FLVCR1: variants seen among roughly 807,000 people sequenced by gnomAD.
FLVCR1 encodes choline/ethanolamine transporter FLVCR1.
In FLVCR1, 34 loss-of-function variants were observed where a neutral mutation model predicts 53.6. The ratio of observed to expected loss-of-function variants is 0.63; its 90% CI spans 0.48 to 0.84. FLVCR1 has a LOEUF of 0.84. FLVCR1 is among the 40% of genes least tolerant of loss of function. The pLI is 0.00. For synonymous variants in FLVCR1, 300 were observed against 286.3 expected, an observed-to-expected ratio of 1.05 and a Z score of -0.48; for missense variants, 677 against 696.7, an observed-to-expected ratio of 0.97 and a Z score of 0.32.
In FLVCR1 at chr1:212,895,207, T is replaced by A. The variant is rs201449559; in HGVS notation, c.1594-9T>A. The A allele has an allele frequency of 6.4e-7, 1 of 1,559,886 alleles. No homozygotes were observed. Among genetic ancestry groups the A allele is most frequent in the Non-Finnish European group, 8.8e-7 (1 of 1,141,320 alleles). ...CTATACATTTTTAATCTTCTGATTG[T>A]TTTTATAGATACCAGCTGACAGTCC... On this transcript the variant is annotated splice_polypyrimidine_tract_variant and intron_variant, in intron 9 of 9. Transcript: ENST00000366971.
chr1:212,862,293 A>G (rs1664269393), intron 1 of FLVCR1, among the ~76,000 whole-genome samples: 1 of 152,132 alleles, frequency 6.6e-6, no homozygotes, highest in South Asian at 2.1e-4. Flanking sequence ...CCACCCGCAA[A>G]GAAGGCCCAA....
At chr1:212,875,947 C>T (rs989202297) in intron 3 of FLVCR1, among the ~76,000 whole-genome samples, 5 of 150,770 alleles carry the variant, frequency 3.3e-5, no homozygotes, top group African/African-American at 9.7e-5. Context: ...AGTGCAGTGG[C>T]GTGATCTTGG....
chr1:212,888,744 G>A (rs1665119690), intron 7 of FLVCR1, 150 bp downstream of exon 7: 8 of 676,584 alleles, frequency 1.2e-5, no homozygotes, highest in Middle Eastern at 3.4e-4. Flanking sequence ...GAGTGCAGTA[G>A]TGCAGTCATG....
intron 8 of FLVCR1, among the ~76,000 whole-genome samples, chr1:212,893,840 A>G (rs573326701): frequency 6.6e-6 from 1 of 152,290 alleles, no homozygotes; most frequent in South Asian, 2.1e-4. Context: ...GAATGGCGCC[A>G]TCTGGGCTCA....
At chr1:212,865,229 A>G (rs1224460264) in intron 2 of FLVCR1, among the ~76,000 whole-genome samples, 3 of 150,936 alleles carry the variant, frequency 2.0e-5, no homozygotes, top group Non-Finnish European at 4.4e-5. Flanking sequence ...TGCTGCACCC[A>G]TTAACTCGTC....
At chr1:212,879,679 C>T (rs367822487) in intron 3 of FLVCR1, among the ~76,000 whole-genome samples, 83 of 152,218 alleles carry the variant, frequency 5.5e-4, no homozygotes, top group African/African-American at 1.8e-3. Flanking sequence ...CCTCTGGCTC[C>T]GGAGTAGTTG....
chr1:212,886,042 C>T (rs79363009), intron 5 of FLVCR1, among the ~76,000 whole-genome samples: 1,570 of 121,086 alleles, frequency 0.013, 32 homozygotes, highest in African/African-American at 0.048. Flanking sequence ...TTATCTTGTT[C>T]TTTTTTTTTT....
Position 212,898,276 on chromosome 1 carries a change from A to C in FLVCR1, c.*2986A>C, listed in dbSNP as rs1166611602. ...AACAAATGTGATTGCTACCTTATGGATACAACGGACTTTTACATTTCTTTT... is the reference window on the plus strand; with the variant it reads ...AACAAATGTGATTGCTACCTTATGGCTACAACGGACTTTTACATTTCTTTT... On this transcript the variant is annotated 3_prime_UTR_variant, in exon 10 of 10. Transcript: ENST00000366971. 6.6e-6 allele frequency: 1 copy of C among 152,246 alleles called. No individual in the cohort carries two copies. The highest frequency in any genetic ancestry group is 1.5e-5 in the Non-Finnish European group (1 of 68,046). The allele number at this position is 152,246 out of a possible 1,614,324, so 9.4% of individuals were successfully genotyped here.
At chr1:212,882,448 A>G (rs1235969072) in intron 3 of FLVCR1, among the ~76,000 whole-genome samples, 1 of 152,172 alleles carries the variant, frequency 6.6e-6, no homozygotes, top group Admixed American at 6.5e-5. Context: ...ATATGCATAT[A>G]TGGTAATATA....
chr1:212,888,910 G>A (rs370095801), intron 7 of FLVCR1, among the ~76,000 whole-genome samples: 33 of 151,928 alleles, frequency 2.2e-4, no homozygotes, highest in Admixed American at 5.3e-4. Flanking sequence ...GGCTGGTCTC[G>A]GACTCCTGGG....
intron 1 of FLVCR1, among the ~76,000 whole-genome samples, chr1:212,860,351 T>TTTTTTTTTTTTTTTTTTTG (rs1491172636): frequency 2.9e-5 from 2 of 68,214 alleles, no homozygotes; most frequent in Non-Finnish European, 5.9e-5. Flanking sequence ...GTGTGTGTGG[T>TTTTTTTTTTTTTTTTTTTG]TTTTTTTTTT....
At chr1:212,877,414 C>T (rs968482594) in intron 3 of FLVCR1, among the ~76,000 whole-genome samples, 1 of 151,876 alleles carries the variant, frequency 6.6e-6, no homozygotes, top group Non-Finnish European at 1.5e-5. Context: ...GGGGTTTCAC[C>T]GTGTTAGCCA....
intron 6 of FLVCR1, 34 bp from the exon 7 acceptor site, chr1:212,888,455 A>G (rs753146657): frequency 7.2e-7 from 1 of 1,396,482 alleles, no homozygotes; most frequent in Non-Finnish European, 1.0e-6. Flanking sequence ...ACTTTCTGGT[A>G]GTTCTTTCTG....
At chr1:212,884,092 G>T (rs1664995516) in intron 4 of FLVCR1, among the ~76,000 whole-genome samples, 1 of 152,048 alleles carries the variant, frequency 6.6e-6, no homozygotes, top group Non-Finnish European at 1.5e-5. Flanking sequence ...TGGATCACCT[G>T]AGGTCGAGAC....
At chr1:212,871,050 G>A (rs1401690380) in intron 2 of FLVCR1, among the ~76,000 whole-genome samples, 2 of 152,204 alleles carry the variant, frequency 1.3e-5, no homozygotes, top group Non-Finnish European at 2.9e-5. Flanking sequence ...GATTACAGGT[G>A]TGAGCCACTG....
intron 6 of FLVCR1, among the ~76,000 whole-genome samples, chr1:212,888,284 C>G (rs963024146): frequency 3.3e-5 from 5 of 152,112 alleles, no homozygotes; most frequent in African/African-American, 1.2e-4. Flanking sequence ...AAATTTTTCT[C>G]AGAAAAAAAT....
rs576394198 is a variant in FLVCR1, at chr1:212,864,827, T to G, written c.883+958T>G. Among the ~76,000 whole-genome samples, 3 of 152,330 alleles carry G rather than the reference T, an allele frequency of 2.0e-5. No homozygotes were observed. In the South Asian group the frequency reaches 6.2e-4, roughly 32 times the overall value. On this transcript the variant is annotated intron_variant, in intron 2 of 9. Coordinates refer to ENST00000366971, the MANE Select transcript of FLVCR1 (RefSeq NM_014053.4). ...ATAAAATTCTTAGTTTTCAAAGAAA[T>G]GTATGCTGAAGATTCTAGAGTGTTT...
chr1:212,886,974 A>C (rs2102567883), intron 5 of FLVCR1, among the ~76,000 whole-genome samples: 1 of 152,316 alleles, frequency 6.6e-6, no homozygotes, highest in Middle Eastern at 3.4e-3. Context: ...TAACATGCCA[A>C]AACTTACCCC....
rs187820328 is a variant in FLVCR1, at chr1:212,894,141, A to G, written c.1526-845A>G. On this transcript the variant is annotated intron_variant, in intron 8 of 9. Transcript: ENST00000366971. ...TTTTTTAGACATAATGCTATTGCAA[A>G]CTTTAAATAGACTACAGTATAGTAT... 3.4e-3 allele frequency among the ~76,000 whole-genome samples: 512 copies of G among 152,010 alleles called. 12 individuals carry two copies. The highest frequency in any genetic ancestry group is 0.03 in the Admixed American group (461 of 15,252).
Sources: gnomAD v4.1 joint callset for allele counts (sites outside exome capture counted in the v4.1 genomes callset) on GRCh38, gnomAD v4.1.1 for gene constraint, MANE v1.5 for transcripts, NCBI Gene and HGNC (gene_info 2026-07-23, HGNC 2026-07-21) for gene names.